ATAD2: variants seen among roughly 807,000 people sequenced by gnomAD.
The protein encoded by ATAD2 is ATPase family AAA domain containing 2.
In ATAD2, 62 loss-of-function variants were observed where a neutral mutation model predicts 168.9. That is an observed-to-expected ratio of 0.37 (90% CI 0.30 to 0.45). The LOEUF (loss-of-function observed/expected upper bound fraction) is 0.45. Ranked by LOEUF, ATAD2 falls within the 20% of genes least tolerant of loss-of-function variation. The pLI is 1.00. For synonymous variants in ATAD2, 613 were observed against 571.6 expected (o/e 1.07, Z -1.03); for missense variants, 1,419 against 1,667.8 (o/e 0.85, Z 2.60).
chr8:123,379,893 T>A (rs11778293), intron 2 of ATAD2, among the ~76,000 whole-genome samples: 1,757 of 126,680 alleles, frequency 0.014, 36 homozygotes, highest in African/African-American at 0.045. Context: ...TATTATTATT[T>A]TTTTTTTTTT....
chr8:123,354,027 G>A (rs1370478075), intron 13 of ATAD2, among the ~76,000 whole-genome samples: 6 of 152,226 alleles, frequency 3.9e-5, no homozygotes, highest in East Asian at 1.9e-4. Flanking sequence ...CCAGCTACTC[G>A]GGAGGCTGAG....
At chr8:123,405,417 T>C (rs1350262813) in intron 1 of ATAD2, among the ~76,000 whole-genome samples, 1 of 85,440 alleles carries the variant, frequency 1.2e-5, no homozygotes, top group African/African-American at 4.3e-5. Flanking sequence ...CCATGAAGCC[T>C]GGCTTTTTTT....
chr8:123,367,695 C>T (rs1053497594), intron 8 of ATAD2, among the ~76,000 whole-genome samples: 13 of 152,140 alleles, frequency 8.5e-5, no homozygotes, highest in Admixed American at 3.3e-4. Context: ...TCTTGAAAAG[C>T]CCTGAGAGAC....
At chr8:123,413,660 T>C (rs1426043070) in intron 1 of ATAD2, among the ~76,000 whole-genome samples, 1 of 152,128 alleles carries the variant, frequency 6.6e-6, no homozygotes, top group Non-Finnish European at 1.5e-5. Context: ...GAAGAGCTCA[T>C]GGCAGAGGTA....
Position 123,346,202 on chromosome 8 carries a change from C to G in ATAD2, c.2416G>C (p.Gly806Arg), listed in dbSNP as rs1828236895. The G allele has an allele frequency of 6.2e-7, 1 of 1,612,852 alleles. No individual in the cohort carries two copies. Among genetic ancestry groups the G allele is most frequent in the African/African-American group, 1.3e-5 (1 of 74,814 alleles). The change falls in exon 18 of 28, where the codon GGT becomes CGT. Residue 806 changes from glycine (G) to arginine (R), a missense_variant. Around this residue, in one of 5 missense-constraint regions of ATAD2, gnomAD observed 545 missense variants for 724.9 expected, o/e 0.75. Transcript: ENST00000287394. ...ATGACAGCTGGTGCCAAGTGAGAAC[C>G]TTGCCCAAATCCTGGTTCTCCTACT... ...LIVGEPGFGQ[G>R]SHLAPAVIHA...
At chr8:123,361,034 G>A (rs973341078) in intron 9 of ATAD2, among the ~76,000 whole-genome samples, 15 of 151,708 alleles carry the variant, frequency 9.9e-5, no homozygotes, top group Non-Finnish European at 2.2e-4. Context: ...TTTGGCAAGC[G>A]GGCCAGGCAT....
intron 11 of ATAD2, among the ~76,000 whole-genome samples, chr8:123,358,403 G>C (rs1828712054): frequency 6.6e-6 from 1 of 151,658 alleles, no homozygotes; most frequent in South Asian, 2.1e-4. Context: ...GGACTGCAGT[G>C]GTGCGATCTC....
rs140415378 is a variant in ATAD2 at position 123,382,489 on chromosome 8, A to C, written c.172-1812T>G. Among the ~76,000 whole-genome samples the C allele has an allele frequency of 5.4e-4, 83 of 152,328 alleles. 1 individual carries two copies. Among genetic ancestry groups the C allele is most frequent in the African/African-American group, 2.0e-3 (83 of 41,584 alleles). On this transcript the variant is annotated intron_variant, in intron 1 of 27. Coordinates refer to ENST00000287394, the MANE Select transcript of ATAD2 (RefSeq NM_014109.4). The stretch of plus-strand genomic sequence containing the variant: ...ATCTTAGATCAGTGTAGTGTATAAG[A>C]CTTTCATTTTCCAAGGAATATTTAA...
chr8:123,336,349 G>C (rs1374477928), intron 22 of ATAD2, 24 bp downstream of exon 22: 1 of 1,559,392 alleles, frequency 6.4e-7, no homozygotes, highest in African/African-American at 1.4e-5. Flanking sequence ...TCAACCCCCT[G>C]AAAAAAAATT....
chr8:123,331,322 C>G (rs919757665), intron 24 of ATAD2, among the ~76,000 whole-genome samples: 4 of 151,962 alleles, frequency 2.6e-5, no homozygotes, highest in African/African-American at 9.7e-5. Context: ...CACTGCAAAC[C>G]CCACCTCCTG....
chr8:123,358,130 C>T (rs1366497460), intron 11 of ATAD2, among the ~76,000 whole-genome samples: 1 of 152,140 alleles, frequency 6.6e-6, no homozygotes, highest in Non-Finnish European at 1.5e-5. Flanking sequence ...ATTACTTTAA[C>T]TAGGCACTTC....
Position 123,372,674 on chromosome 8 carries a change from T to G in ATAD2, c.333A>C (p.Arg111Ser). The change falls in exon 3 of 28, where the codon AGA (arginine) becomes AGC (serine). Residue 111 changes from arginine to serine, a missense_variant. Physicochemically the swap from Arg to Ser is moderately radical, Grantham distance 110 (BLOSUM62 -1). Around this residue, in one of 5 missense-constraint regions of ATAD2, gnomAD observed 419 missense variants for 423.5 expected, o/e 0.99. Coordinates refer to ENST00000287394, the MANE Select transcript of ATAD2 (RefSeq NM_014109.4). ...CTTCTTTTTTTTTATCAGCCTGCTG[T>G]CTGGCCAACTGCCTATATTTTAAAA... is the stretch of plus-strand genomic sequence containing the variant. ...NGRHFTRQLARQQADKKKEEH... is the reference protein window; with the variant it reads ...NGRHFTRQLASQQADKKKEEH... 8 of 1,590,046 alleles carry G rather than the reference T, an allele frequency of 5.0e-6. No homozygotes were observed. The highest frequency in any genetic ancestry group is 6.8e-6 in the Non-Finnish European group (8 of 1,169,638).
rs113827962 is a variant in ATAD2, at chr8:123,362,165, C to A, written c.1050-519G>T. The stretch of plus-strand genomic sequence containing the variant: ...AGCTTAGACAGGTATGGTTGTAGCA[C>A]ATCTGTTGTCCCAGATACTCAGGAG... On this transcript the variant is annotated intron_variant, in intron 8 of 27. Transcript: ENST00000287394. 3.8e-3 allele frequency among the ~76,000 whole-genome samples: 575 copies of A among 152,176 alleles called. 5 individuals are homozygous for A. The highest frequency in any genetic ancestry group is 0.013 in the African/African-American group (530 of 41,512).
chr8:123,324,607 G>C (rs753658147), intron 26 of ATAD2, among the ~76,000 whole-genome samples: 11 of 152,122 alleles, frequency 7.2e-5, no homozygotes, highest in South Asian at 4.1e-4. Flanking sequence ...CAGAATAATA[G>C]AGCAAATGAT....
chr8:123,342,128 T>G (rs898415666), intron 19 of ATAD2, among the ~76,000 whole-genome samples: 5 of 152,150 alleles, frequency 3.3e-5, no homozygotes, highest in African/African-American at 9.6e-5. Flanking sequence ...TAAAATAAAG[T>G]AAAATAAAGT....
upstream of ATAD2, among the ~76,000 whole-genome samples, chr8:123,396,933 C>CTT (rs113590434): frequency 9.5e-5 from 14 of 146,846 alleles, no homozygotes; most frequent in African/African-American, 3.5e-4. Flanking sequence ...GCCTTAAGAA[C>CTT]TTTTTTTTTT....
chr8:123,325,237 C>T (rs982418878), intron 26 of ATAD2, among the ~76,000 whole-genome samples: 2 of 150,548 alleles, frequency 1.3e-5, no homozygotes, highest in Non-Finnish European at 3.0e-5. Context: ...GCTGGGAATA[C>T]AGGTGCCCAC....
At chr8:123,349,499 A>C in intron 13 of ATAD2, 55 bp from the exon 14 acceptor site, 1 of 1,482,332 alleles carries the variant, frequency 6.7e-7, no homozygotes, top group Non-Finnish European at 9.2e-7. Context: ...AGTCTATATC[A>C]TTCAGTAATA....
intron 2 of ATAD2, among the ~76,000 whole-genome samples, chr8:123,378,477 GGATC>G (rs971084427): frequency 1.3e-5 from 2 of 152,002 alleles, no homozygotes; most frequent in Admixed American, 1.3e-4. Context: ...TGAGGTGGGT[GGATC>G]ACCTGAAGTC....
Sources: gnomAD v4.1 joint callset for allele counts (sites outside exome capture counted in the v4.1 genomes callset) on GRCh38, gnomAD v4.1.1 for gene constraint, gnomAD v4.1.1 regional missense constraint, MANE v1.5 for transcripts, NCBI Gene and HGNC (gene_info 2026-07-23, HGNC 2026-07-21) for gene names.